ATF1: variants seen among roughly 807,000 people sequenced by gnomAD.
ATF1 encodes cyclic AMP-dependent transcription factor ATF-1.
In ATF1, 16 loss-of-function variants were observed where a neutral mutation model predicts 34.7. That is an observed-to-expected ratio of 0.46 (90% CI 0.31 to 0.70). The LOEUF is 0.70. ATF1 is among the 30% of genes least tolerant of loss of function. ATF1 has a pLI of 0.05. For synonymous variants in ATF1, 105 were observed against 113.1 expected, an observed-to-expected ratio of 0.93 and a Z score of 0.46; for missense variants, 255 against 321.6, an observed-to-expected ratio of 0.79 and a Z score of 1.58.
rs1418751566 is a variant in ATF1 at position 50,794,141 on chromosome 12, G to A, written c.94-1768G>A. 1.8e-4 allele frequency among the ~76,000 whole-genome samples: 27 copies of A among 151,672 alleles called. No individual in the cohort carries two copies. The East Asian group carries it at 4.6e-3, about 26-fold the overall frequency. On this transcript the variant is annotated intron_variant, in intron 2 of 6. Transcript: ENST00000262053. ...AATTTTTTGTATTTTTAGTAGAGAC[G>A]GGGTTTCACCGTGTTAGCCAGGATG...
At chr12:50,802,185 T>A (rs1310983432) in intron 3 of ATF1, among the ~76,000 whole-genome samples, 1 of 152,184 alleles carries the variant, frequency 6.6e-6, no homozygotes, top group Non-Finnish European at 1.5e-5. Flanking sequence ...ATTAAATTTA[T>A]AAATTTAAAT....
chr12:50,817,894 G>T (rs563672720), intron 6 of ATF1, among the ~76,000 whole-genome samples: 2 of 152,192 alleles, frequency 1.3e-5, no homozygotes, highest in South Asian at 4.1e-4. Flanking sequence ...TTTGTCAGCC[G>T]CTAGACTGAC....
Position 50,820,190 on chromosome 12 carries a change from GTA to G in ATF1, c.*412_*413del. 1 of 210,030 alleles carries G rather than the reference GTA, an allele frequency of 4.8e-6. No homozygotes were observed. Among genetic ancestry groups the G allele is most frequent in the East Asian group, 7.4e-5 (1 of 13,522 alleles). 13.0% of individuals were successfully genotyped at this position (210,030 alleles called of 1,614,324 possible). A position where few individuals can be genotyped will look rare whatever the true frequency, so the allele number is the denominator to read the frequency against. Reference sequence around the variant, plus strand: ...GTTATATATATGTGTGTGTGTGTGTGTAATTTCTGCCAATAAATTCTAAATTA... The same window carrying G: ...GTTATATATATGTGTGTGTGTGTGTGATTTCTGCCAATAAATTCTAAATTA... On this transcript the variant is annotated 3_prime_UTR_variant, in exon 7 of 7. Transcript: ENST00000262053.
intron 3 of ATF1, among the ~76,000 whole-genome samples, chr12:50,802,448 C>CT (rs1315683293): frequency 6.6e-6 from 1 of 152,174 alleles, no homozygotes; most frequent in African/African-American, 2.4e-5. Context: ...TCGCTTGAAC[C>CT]TGGGAGGCAG....
intron 2 of ATF1, among the ~76,000 whole-genome samples, chr12:50,782,554 C>CTTTTTT (rs1192258164): frequency 8.0e-6 from 1 of 124,932 alleles, no homozygotes; most frequent in African/African-American, 3.0e-5. Context: ...CACACCCGGC[C>CTTTTTT]TTTTTTTTTT....
rs559000884 is a variant in ATF1, at chr12:50,813,896, G to A, written c.329-114G>A. On this transcript the variant is annotated intron_variant, in intron 4 of 6. Transcript: ENST00000262053. ...AAGTAAAGTAGTCTGCAGTTACCAA[G>A]TAGAAGTGCATTCATACCTGTTTTA... is the stretch of plus-strand genomic sequence containing the variant. 2.0e-5 allele frequency: 19 copies of A among 962,340 alleles called. No individual in the cohort carries two copies. In the African/African-American group the frequency reaches 2.0e-4, roughly 10 times the overall value. 59.6% of individuals were successfully genotyped at this position (962,340 alleles called of 1,614,324 possible).
chr12:50,777,037 A>G (rs1165375554), intron 1 of ATF1, among the ~76,000 whole-genome samples: 1 of 152,032 alleles, frequency 6.6e-6, no homozygotes, highest in Non-Finnish European at 1.5e-5. Context: ...TAATTTTAGT[A>G]GAGATGGGGT....
intron 4 of ATF1, among the ~76,000 whole-genome samples, chr12:50,811,893 A>G (rs1468865247): frequency 6.6e-6 from 1 of 152,152 alleles, no homozygotes; most frequent in African/African-American, 2.4e-5. Context: ...GTTATCACTG[A>G]AATAAGTGTA....
upstream of ATF1, chr12:50,763,716 C>A (rs926665314): frequency 6.6e-6 from 1 of 151,542 alleles, no homozygotes. Context: ...AGGACAGGGC[C>A]GGCGTCGGTC....
intron 1 of ATF1, among the ~76,000 whole-genome samples, chr12:50,771,437 C>G (rs1940767694): frequency 6.6e-6 from 1 of 152,096 alleles, no homozygotes; most frequent in African/African-American, 2.4e-5. Flanking sequence ...ATGAATGAAC[C>G]TTACCATACT....
intron 2 of ATF1, among the ~76,000 whole-genome samples, chr12:50,782,240 TTTG>T (rs779984145): frequency 1.1e-4 from 15 of 138,910 alleles, no homozygotes; most frequent in Non-Finnish European, 2.1e-4. Flanking sequence ...TTCTGTTTTT[TTTG>T]TTTGTTTGTT....
At chr12:50,767,166 T>C (rs1057188866) in intron 1 of ATF1, among the ~76,000 whole-genome samples, 6 of 152,032 alleles carry the variant, frequency 3.9e-5, no homozygotes, top group African/African-American at 1.4e-4. Context: ...AAGAATGTAT[T>C]ACCAGTCAGA....
chr12:50,808,704 C>T (rs1393109165), intron 3 of ATF1, among the ~76,000 whole-genome samples: 2 of 150,852 alleles, frequency 1.3e-5, no homozygotes, highest in Non-Finnish European at 2.9e-5. Context: ...TAAAAGCATT[C>T]TTTGGTGTAA....
At chr12:50,799,370 C>T (rs1047201921) in intron 3 of ATF1, among the ~76,000 whole-genome samples, 3 of 152,100 alleles carry the variant, frequency 2.0e-5, no homozygotes, top group Non-Finnish European at 4.4e-5. Context: ...AGTGACAGAA[C>T]GAGTCCCTGT....
chr12:50,783,673 G>T (rs1941120665), intron 2 of ATF1, among the ~76,000 whole-genome samples: 1 of 151,934 alleles, frequency 6.6e-6, no homozygotes, highest in Admixed American at 6.6e-5. Context: ...TTCAAGACCA[G>T]CCTGGCCAAG....
At chr12:50,767,264 T>G (rs1565896789) in intron 1 of ATF1, among the ~76,000 whole-genome samples, 2 of 151,070 alleles carry the variant, frequency 1.3e-5, no homozygotes, top group African/African-American at 2.4e-5. Flanking sequence ...AGGCCTGTAA[T>G]CCCAGCACTT....
chr12:50,794,602 T>C (rs1464849287), intron 2 of ATF1, among the ~76,000 whole-genome samples: 1 of 151,258 alleles, frequency 6.6e-6, no homozygotes, highest in East Asian at 2.0e-4. Context: ...GATATCACAA[T>C]CTAACTTTGG....
chr12:50,771,696 A>G (rs1489102761), intron 1 of ATF1, among the ~76,000 whole-genome samples: 1 of 152,184 alleles, frequency 6.6e-6, no homozygotes, highest in African/African-American at 2.4e-5. Flanking sequence ...CCAGATGATT[A>G]AGGCATTCTA....
Position 50,819,848 on chromosome 12 carries a change from A to AAATT in ATF1, c.*72_*75dup. ...AATGGATTTCCTAGTGGAGTTTTATAAATTAAAAGGTCAAAACTGAAGCTT... is the reference window on the plus strand; with the variant it reads ...AATGGATTTCCTAGTGGAGTTTTATAAATTAATTAAAAGGTCAAAACTGAAGCTT... On this transcript the variant is annotated 3_prime_UTR_variant, in exon 7 of 7. Coordinates refer to ENST00000262053, the MANE Select transcript of ATF1 (RefSeq NM_005171.5). The AAATT allele has an allele frequency of 7.6e-7, 1 of 1,310,720 alleles. No individual in the cohort carries two copies. Among genetic ancestry groups the AAATT allele is most frequent in the Middle Eastern group, 2.0e-4 (1 of 4,950 alleles). 81.2% of individuals were successfully genotyped at this position (1,310,720 alleles called of 1,614,324 possible).
Sources: gnomAD v4.1 joint callset for allele counts (sites outside exome capture counted in the v4.1 genomes callset) on GRCh38, gnomAD v4.1.1 for gene constraint, MANE v1.5 for transcripts, NCBI Gene and HGNC (gene_info 2026-07-23, HGNC 2026-07-21) for gene names.